SPECC1L: variants seen among roughly 807,000 people sequenced by gnomAD.
The protein encoded by SPECC1L is cytospin-A.
A neutral mutation model predicts 116.8 loss-of-function variants in SPECC1L; 40 were observed. That is an observed-to-expected ratio of 0.34 (90% CI 0.27 to 0.45). SPECC1L has a LOEUF of 0.45. Ranked by LOEUF, SPECC1L falls within the 20% of genes least tolerant of loss-of-function variation. SPECC1L has a pLI of 1.00. For missense variants in SPECC1L, 1,110 were observed against 1,373.6 expected, an observed-to-expected ratio of 0.81 and a Z score of 3.03; for synonymous variants, 504 against 500.6, an observed-to-expected ratio of 1.01 and a Z score of -0.09.
At chr22:24,358,403 C>T (rs879000518) in intron 11 of SPECC1L, among the ~76,000 whole-genome samples, 2 of 152,154 alleles carry the variant, frequency 1.3e-5, no homozygotes, top group Admixed American at 6.5e-5. Flanking sequence ...ACCATTGCGC[C>T]TGGCTGAGAG....
chr22:24,282,726 A>G (rs938919703), intron 2 of SPECC1L, among the ~76,000 whole-genome samples: 14 of 151,102 alleles, frequency 9.3e-5, no homozygotes, highest in Admixed American at 7.9e-4. Context: ...TGAGAAGATC[A>G]TACAGCTTTT....
At chr22:24,406,518 C>G (rs1374209256) in intron 14 of SPECC1L, among the ~76,000 whole-genome samples, 2 of 152,182 alleles carry the variant, frequency 1.3e-5, no homozygotes, top group Non-Finnish European at 2.9e-5. Flanking sequence ...CTGTGCTCCC[C>G]TGGCAGCCTG....
At chr22:24,380,868 T>C (rs2042050980) in intron 14 of SPECC1L, among the ~76,000 whole-genome samples, 2 of 152,070 alleles carry the variant, frequency 1.3e-5, no homozygotes, top group Admixed American at 6.5e-5. Flanking sequence ...TTCCTTTTTT[T>C]CTCTTTTTTA....
intron 14 of SPECC1L, among the ~76,000 whole-genome samples, chr22:24,377,585 A>C (rs1210572164): frequency 1.3e-5 from 2 of 152,280 alleles, no homozygotes; most frequent in East Asian, 1.9e-4. Flanking sequence ...CATTTGGTTA[A>C]AGTCCATGAT....
At chr22:24,395,880 G>A (rs1409008173) in intron 14 of SPECC1L, among the ~76,000 whole-genome samples, 3 of 152,126 alleles carry the variant, frequency 2.0e-5, no homozygotes, top group African/African-American at 7.2e-5. Flanking sequence ...GCCTCAAGCA[G>A]TCTATAGTTT....
At chr22:24,407,837 G>A (rs895389040) in intron 14 of SPECC1L, among the ~76,000 whole-genome samples, 1 of 152,098 alleles carries the variant, frequency 6.6e-6, no homozygotes, top group Non-Finnish European at 1.5e-5. Flanking sequence ...TTCTTCATTT[G>A]TCTTGCATAC....
In SPECC1L at chr22:24,322,896, G is replaced by A. The variant is rs766455276; in HGVS notation, c.1916G>A (p.Arg639Gln). The A allele has an allele frequency of 8.7e-6, 14 of 1,613,888 alleles. No individual in the cohort carries two copies. The highest frequency in any genetic ancestry group is 1.7e-5 in the Admixed American group (1 of 60,006). ...DLAHTRNDAN[R>Q]LQDAIAKVED... Reference sequence around the variant, plus strand: ...GCTCATACCCGAAATGATGCCAATCGATTACAGGATGCCATTGCTAAGGTA... The same window carrying A: ...GCTCATACCCGAAATGATGCCAATCAATTACAGGATGCCATTGCTAAGGTA... Residue 639 changes from arginine (R) to glutamine (Q), a missense_variant, in exon 5 of 17, where the codon CGA (arginine) becomes CAA (glutamine). By Grantham distance (43) the Arg-to-Gln change is conservative. Around this residue, in one of 4 missense-constraint regions of SPECC1L, gnomAD observed 575 missense variants for 682.4 expected, o/e 0.84. Coordinates refer to ENST00000314328, the MANE Select transcript of SPECC1L (RefSeq NM_015330.6).
intron 14 of SPECC1L, among the ~76,000 whole-genome samples, chr22:24,406,535 A>G (rs1457094853): frequency 1.3e-5 from 2 of 152,142 alleles, no homozygotes; most frequent in African/African-American, 4.8e-5. Flanking sequence ...CCTGGAGCCC[A>G]CTGTGGTCTG....
chr22:24,333,573 C>A (rs369491968), intron 8 of SPECC1L, among the ~76,000 whole-genome samples: 1 of 131,678 alleles, frequency 7.6e-6, no homozygotes, highest in Non-Finnish European at 1.7e-5. Context: ...TTTTTTTTTT[C>A]TTTGTAGAAT....
chr22:24,326,267 T>C (rs1181303734), intron 6 of SPECC1L, among the ~76,000 whole-genome samples: 1 of 152,226 alleles, frequency 6.6e-6, no homozygotes, highest in African/African-American at 2.4e-5. Context: ...TGCATATAAA[T>C]TGATACAATG....
At chr22:24,332,098 AT>A (rs1434257772) in intron 8 of SPECC1L, among the ~76,000 whole-genome samples, 1 of 152,208 alleles carries the variant, frequency 6.6e-6, no homozygotes, top group Admixed American at 6.5e-5. Context: ...CAAACTGTGC[AT>A]CATTCAGACT....
intron 10 of SPECC1L, among the ~76,000 whole-genome samples, chr22:24,345,091 G>C (rs2041263345): frequency 6.6e-6 from 1 of 152,042 alleles, no homozygotes; most frequent in African/African-American, 2.4e-5. Flanking sequence ...GGGGGGGTGC[G>C]GGTGGAGGAC....
At chr22:24,406,268 T>G (rs541764764) in intron 14 of SPECC1L, among the ~76,000 whole-genome samples, 2 of 152,056 alleles carry the variant, frequency 1.3e-5, no homozygotes, top group African/African-American at 4.8e-5. Context: ...AGCAGAGGCA[T>G]GAGGGGCAGA....
chr22:24,323,123 T>G, intron 5 of SPECC1L: 2 of 980,294 alleles, frequency 2.0e-6, no homozygotes, highest in Non-Finnish European at 2.4e-6. Context: ...CTCTCACTTG[T>G]ATTTTGTTTC....
chr22:24,380,616 T>C (rs1169913778), intron 14 of SPECC1L, among the ~76,000 whole-genome samples: 3 of 152,216 alleles, frequency 2.0e-5, no homozygotes, highest in Admixed American at 2.0e-4. Flanking sequence ...CCTTATGAGT[T>C]TAGCTTTTAT....
At chr22:24,346,974 G>A in intron 10 of SPECC1L, 112 bp from the exon 11 acceptor site, 4 of 853,022 alleles carry the variant, frequency 4.7e-6, no homozygotes, top group Non-Finnish European at 7.9e-6. Flanking sequence ...TACTATAGCA[G>A]TATGGAAAGA....
chr22:24,415,071 CAGA>C lies in SPECC1L; in HGVS notation c.*451_*453del, dbSNP rs1225905369. On this transcript the variant is annotated 3_prime_UTR_variant, in exon 17 of 17. Transcript: ENST00000314328. The stretch of plus-strand genomic sequence containing the variant: ...GTGGGTTCCGGTGCTGGTGAGAACC[CAGA>C]AGGAGAGTCAGCGCCTGGCAGTTCC... 1.7e-5 allele frequency: 4 copies of C among 231,580 alleles called. No individual in the cohort carries two copies. The highest frequency in any genetic ancestry group is 3.5e-5 in the Non-Finnish European group (4 of 114,152). The allele number at this position is 231,580 out of a possible 1,614,324, so 14.3% of individuals were successfully genotyped here. A position where few individuals can be genotyped will look rare whatever the true frequency, so the allele number is the denominator to read the frequency against.
chr22:24,356,470 T>G (rs2146598971), intron 11 of SPECC1L, among the ~76,000 whole-genome samples: 1 of 152,288 alleles, frequency 6.6e-6, no homozygotes, highest in South Asian at 2.1e-4. Flanking sequence ...GTCTTTCTTT[T>G]CTGATATTGA....
chr22:24,413,804 A>G (rs1291690077), intron 16 of SPECC1L, among the ~76,000 whole-genome samples: 1 of 152,156 alleles, frequency 6.6e-6, no homozygotes, highest in Non-Finnish European at 1.5e-5. Context: ...CAAGTCACCA[A>G]GGGCGCCCTC....
Sources: gnomAD v4.1 joint callset for allele counts (sites outside exome capture counted in the v4.1 genomes callset) on GRCh38, gnomAD v4.1.1 for gene constraint, gnomAD v4.1.1 regional missense constraint, MANE v1.5 for transcripts, NCBI Gene and HGNC (gene_info 2026-07-23, HGNC 2026-07-21) for gene names.